TPH1: variants seen among roughly 807,000 people sequenced by gnomAD.
TPH1 encodes the protein tryptophan hydroxylase 1.
A neutral mutation model predicts 49.5 loss-of-function variants in TPH1; 37 were observed. The ratio of observed to expected loss-of-function variants is 0.75; its 90% CI spans 0.58 to 0.98. The LOEUF (loss-of-function observed/expected upper bound fraction) is 0.98, where lower values mean the gene tolerates loss of function less well. Ranked by LOEUF, TPH1 falls within the 50% of genes least tolerant of loss-of-function variation. TPH1 has a pLI of 0.00. For missense variants in TPH1, 487 were observed against 523.6 expected (o/e 0.93, Z 0.68); for synonymous variants, 160 against 182.1 (o/e 0.88, Z 0.98).
Position 18,035,887 on chromosome 11 carries a change from A to G in TPH1, c.301+72T>C, listed in dbSNP as rs960370481. ...TGTGTTTTATTATTTTAATGTCTTCAAGATAAATATAAGGCTGGACACACA... is the reference window on the plus strand; with the variant it reads ...TGTGTTTTATTATTTTAATGTCTTCGAGATAAATATAAGGCTGGACACACA... On this transcript the variant is annotated intron_variant, in intron 3 of 10. Transcript: ENST00000682019. 3.1e-6 allele frequency: 4 copies of G among 1,293,036 alleles called. No individual in the cohort carries two copies. In the African/African-American group the frequency reaches 4.4e-5, roughly 14 times the overall value. 80.1% of individuals were successfully genotyped at this position (1,293,036 alleles called of 1,614,324 possible). A position where few individuals can be genotyped will look rare whatever the true frequency, so the allele number is the denominator to read the frequency against.
At chr11:18,024,358 A>G (rs1034604582) in intron 8 of TPH1, among the ~76,000 whole-genome samples, 3 of 152,232 alleles carry the variant, frequency 2.0e-5, no homozygotes, top group African/African-American at 7.2e-5. Context: ...ATATTATACA[A>G]AACAAAAAAC....
Position 18,023,958 on chromosome 11 carries a change from C to A in TPH1, c.956G>T (p.Gly319Val). ...ATCYFFTVEF[G>V]LCKQDGQLRV... ...TAGCTGTCCATCTTGTTTACATAGA[C>A]CAAACTCCACAGTGAAAAAGTAGCA... Residue 319 changes from glycine (G) to valine (V), a missense_variant, in exon 9 of 11, where the codon GGT (glycine) becomes GTT (valine). By Grantham distance (109) the Gly-to-Val change is moderately radical. Coordinates refer to ENST00000682019, the MANE Select transcript of TPH1 (RefSeq NM_004179.3). 1 of 1,613,214 alleles carries A rather than the reference C, an allele frequency of 6.2e-7. No homozygotes were observed. Among genetic ancestry groups the A allele is most frequent in the Non-Finnish European group, 8.5e-7 (1 of 1,179,508 alleles).
intron 1 of TPH1, chr11:18,041,095 A>C: frequency 4.1e-6 from 1 of 242,888 alleles, no homozygotes. Context: ...TGTAGCCTAA[A>C]CTAGTCAGGA....
chr11:18,033,423 G>T (rs1289136737), intron 3 of TPH1, 49 bp from the exon 4 acceptor site: 1 of 1,357,328 alleles, frequency 7.4e-7, no homozygotes, highest in South Asian at 1.2e-5. Context: ...AAGTTGAAGA[G>T]ATAATCTTAA....
At chr11:18,022,514 A>G (rs1304143189) in intron 10 of TPH1, among the ~76,000 whole-genome samples, 1 of 152,220 alleles carries the variant, frequency 6.6e-6, no homozygotes, top group Non-Finnish European at 1.5e-5. Context: ...GTTGTTATAC[A>G]GTAATTTGCA....
chr11:18,031,694 T>C (rs549800722), intron 4 of TPH1, among the ~76,000 whole-genome samples: 4 of 152,188 alleles, frequency 2.6e-5, no homozygotes, highest in Non-Finnish European at 5.9e-5. Flanking sequence ...TCAGTAAAAC[T>C]GATGTACTCA....
At chr11:18,039,561 T>G (rs952761115) in intron 2 of TPH1, among the ~76,000 whole-genome samples, 1 of 152,234 alleles carries the variant, frequency 6.6e-6, no homozygotes, top group Non-Finnish European at 1.5e-5. Context: ...TGTGTGTCCC[T>G]GAGCCCTTAA....
chr11:18,041,122 C>A (rs947081658), intron 1 of TPH1: 1 of 209,390 alleles, frequency 4.8e-6, no homozygotes, highest in Non-Finnish European at 9.5e-6. Flanking sequence ...ACCTCCTCCC[C>A]ACCTTGCCCA....
Position 18,021,053 on chromosome 11 carries a change from G to A in TPH1, c.1273C>T (p.Gln425Ter). ...KSITSAMNELQHDLDVVSDAL... is the reference protein window; with the variant it reads ...KSITSAMNEL ...TCACTGACAACATCGAGATCATGCTGCAGCTCATTCATGGCACTGGTTATG... is the reference window on the plus strand; with the variant it reads ...TCACTGACAACATCGAGATCATGCTACAGCTCATTCATGGCACTGGTTATG... Residue 425 changes from glutamine to a stop codon, truncating the protein, a stop_gained, in exon 11 of 11, where the codon CAG becomes TAG. Transcript: ENST00000682019. LOFTEE classifies it high-confidence loss of function. 6.2e-7 allele frequency: 1 copy of A among 1,614,084 alleles called. No individual in the cohort carries two copies. The highest frequency in any genetic ancestry group is 8.5e-7 in the Non-Finnish European group (1 of 1,179,974).
At chr11:18,032,004 G>A (rs1054298459) in intron 4 of TPH1, among the ~76,000 whole-genome samples, 18 of 151,944 alleles carry the variant, frequency 1.2e-4, no homozygotes, top group African/African-American at 3.6e-4. Flanking sequence ...TTTCCGGCAA[G>A]TACTGCAATT....
Position 18,021,027 on chromosome 11 carries a change from A to G in TPH1, c.1299T>C (p.Asp433=). The G allele has an allele frequency of 6.2e-7, 1 of 1,614,092 alleles. No homozygotes were observed. The part of the protein sequence containing the change: ...ELQHDLDVVS[D]ALAKVSRKPS... ...GCTTCCTGCTGACCTTAGCAAGGGCATCACTGACAACATCGAGATCATGCT... is the reference window on the plus strand; with the variant it reads ...GCTTCCTGCTGACCTTAGCAAGGGCGTCACTGACAACATCGAGATCATGCT... The change falls in exon 11 of 11, where the codon GAT becomes GAC. Residue 433 remains aspartate, a synonymous_variant. Coordinates refer to ENST00000682019, the MANE Select transcript of TPH1 (RefSeq NM_004179.3).
intron 9 of TPH1, chr11:18,023,153 G>T (rs950175563): frequency 3.9e-6 from 2 of 513,238 alleles, no homozygotes; most frequent in Non-Finnish European, 7.0e-6. Flanking sequence ...CCATGGCTTT[G>T]TTCTTCCTCT....
rs148828530 is a variant in TPH1 at position 18,035,966 on chromosome 11, C to T, written c.294G>A (p.Lys98=). The T allele has an allele frequency of 6.2e-7, 1 of 1,611,276 alleles. No homozygotes were observed. Among genetic ancestry groups the T allele is most frequent in the African/African-American group, 1.3e-5 (1 of 74,956 alleles). The change falls in exon 3 of 11, where the codon AAG becomes AAA. Residue 98 remains lysine, a synonymous_variant. Transcript: ENST00000682019. Reference sequence around the variant, plus strand: ...TTCACATTTTGAACTTACCATCTTCCTTCAAAGTAAAATTATCTGGTAGAT... The same window carrying T: ...TTCACATTTTGAACTTACCATCTTCTTTCAAAGTAAAATTATCTGGTAGAT... ...SVNLPDNFTL[K]EDGMETVPWF...
At chr11:18,036,605 A>G (rs1848049926) in intron 2 of TPH1, among the ~76,000 whole-genome samples, 1 of 152,214 alleles carries the variant, frequency 6.6e-6, no homozygotes, top group African/African-American at 2.4e-5. Context: ...CTTAAGCTAC[A>G]ATCTTAGTAA....
At chr11:18,032,224 G>A (rs781083506) in intron 4 of TPH1, among the ~76,000 whole-genome samples, 14 of 152,116 alleles carry the variant, frequency 9.2e-5, no homozygotes, top group South Asian at 2.1e-4. Context: ...ACTCTTGCCT[G>A]TACTGTACAA....
intron 4 of TPH1, 137 bp from the exon 5 acceptor site, chr11:18,029,716 G>C (rs1381945847): frequency 5.8e-6 from 4 of 694,526 alleles, no homozygotes; most frequent in Non-Finnish European, 7.3e-6. Flanking sequence ...GCATTATTTA[G>C]AGATTTATGA....
At chr11:18,040,266 T>C (rs1161072261) in intron 2 of TPH1, among the ~76,000 whole-genome samples, 1 of 148,204 alleles carries the variant, frequency 6.7e-6, no homozygotes, top group Non-Finnish European at 1.5e-5. Context: ...GAAATGTAAG[T>C]TCTTAACAAA....
At chr11:18,030,449 C>T (rs1179909533) in intron 4 of TPH1, among the ~76,000 whole-genome samples, 1 of 150,608 alleles carries the variant, frequency 6.6e-6, no homozygotes, top group East Asian at 1.9e-4. Context: ...AAAATCAAAG[C>T]CCAGGAGAAA....
rs556805747 is a variant in TPH1 at position 18,022,533 on chromosome 11, A to G, written c.1160+265T>C. ...TTATACAGTAATTTGCATATCATCT[A>G]TTTTCCCTATTAGACTACTAAACTC... is the stretch of plus-strand genomic sequence containing the variant. On this transcript the variant is annotated intron_variant, in intron 10 of 10. Coordinates refer to ENST00000682019, the MANE Select transcript of TPH1 (RefSeq NM_004179.3). Among the ~76,000 whole-genome samples the G allele has an allele frequency of 5.9e-5, 9 of 152,272 alleles. No individual in the cohort carries two copies. The South Asian group carries it at 6.2e-4, about 11-fold the overall frequency.
Sources: allele counts gnomAD v4.1 joint callset (sites outside exome capture counted in the v4.1 genomes callset), GRCh38; gene constraint gnomAD v4.1.1; transcripts MANE v1.5; gene names NCBI Gene and HGNC (gene_info 2026-07-23, HGNC 2026-07-21).